UGT2A2: variants seen among roughly 807,000 people sequenced by gnomAD.
The protein encoded by UGT2A2 is UDP-glucuronosyltransferase 2A2.
In UGT2A2, 60 loss-of-function variants were observed where a neutral mutation model predicts 50.7. The observed-to-expected ratio is 1.18, with a 90% CI of 0.96 to 1.47. The LOEUF is 1.47. UGT2A2 is among the 40% of genes most tolerant of loss of function. UGT2A2 has a pLI of 0.00. For synonymous variants in UGT2A2, 242 were observed against 214.6 expected (o/e 1.13, Z -1.11); for missense variants, 762 against 634.0 (o/e 1.20, Z -2.17).
intron 1 of UGT2A2, among the ~76,000 whole-genome samples, chr4:69,620,102 C>T (rs1720655246): frequency 6.6e-6 from 1 of 152,000 alleles, no homozygotes; most frequent in Non-Finnish European, 1.5e-5. Context: ...CTCACTACTC[C>T]TATTCAACAT....
intron 1 of UGT2A2, among the ~76,000 whole-genome samples, chr4:69,606,159 A>G (rs111230626): frequency 7.3e-6 from 1 of 136,632 alleles, no homozygotes; most frequent in Non-Finnish European, 1.6e-5. Flanking sequence ...ATGAACATCG[A>G]GGCAAAAATC....
At position 69,607,872 on chromosome 4, in the gene UGT2A2, A is replaced by G. The variant is rs533364512; in HGVS notation, c.743-8478T>C. Among the ~76,000 whole-genome samples the G allele has an allele frequency of 2.0e-5, 3 of 152,346 alleles. No homozygotes were observed. The East Asian group carries it at 5.8e-4, about 29-fold the overall frequency. Reference sequence around the variant, plus strand: ...ATGCAAAACAAAACCACAATGAGATACCATCTCACACCAGTTAGAATGGCG... The same window carrying G: ...ATGCAAAACAAAACCACAATGAGATGCCATCTCACACCAGTTAGAATGGCG... On this transcript the variant is annotated intron_variant, in intron 1 of 5. Coordinates refer to ENST00000604629, the MANE Select transcript of UGT2A2 (RefSeq NM_001105677.2).
chr4:69,612,380 C>T (rs1443683966), intron 1 of UGT2A2, among the ~76,000 whole-genome samples: 1 of 151,886 alleles, frequency 6.6e-6, no homozygotes, highest in African/African-American at 2.4e-5. Flanking sequence ...AAAATCATCA[C>T]ATAATTAGAT....
At chr4:69,599,422 AG>A in intron 1 of UGT2A2, 28 bp from the exon 2 acceptor site, 1 of 1,609,028 alleles carries the variant, frequency 6.2e-7, no homozygotes, top group African/African-American at 1.3e-5. Context: ...AGTTGGATGG[AG>A]GAAATTAGCT....
Position 69,614,836 on chromosome 4 carries a change from T to C in UGT2A2, c.743-15442A>G, listed in dbSNP as rs150533268. On this transcript the variant is annotated intron_variant, in intron 1 of 5. Coordinates refer to ENST00000604629, the MANE Select transcript of UGT2A2 (RefSeq NM_001105677.2). The stretch of plus-strand genomic sequence containing the variant: ...TAAAGAACTATCTGACACTGTAGTT[T>C]ATAAAGAAAAGAGGTTTAATTGACC... Among the ~76,000 whole-genome samples the C allele has an allele frequency of 5.1e-3, 778 of 152,092 alleles. 9 individuals carry two copies. Among genetic ancestry groups the C allele is most frequent in the African/African-American group, 0.017 (711 of 41,498 alleles).
chr4:69,621,603 A>G (rs936176758), intron 1 of UGT2A2, among the ~76,000 whole-genome samples: 2 of 151,784 alleles, frequency 1.3e-5, no homozygotes, highest in Non-Finnish European at 2.9e-5. Context: ...TGATTCCTCA[A>G]AGCCTTAAAA....
intron 1 of UGT2A2, among the ~76,000 whole-genome samples, chr4:69,624,510 T>C (rs1176547141): frequency 1.3e-5 from 2 of 151,556 alleles, no homozygotes; most frequent in East Asian, 1.9e-4. Flanking sequence ...GCTACTTTTT[T>C]TAAGTTACCT....
At chr4:69,599,723 T>C (rs4148297) in intron 1 of UGT2A2, 111,219 of 178,010 alleles carry the variant, frequency 0.62, 35,443 homozygotes, top group East Asian at 0.72. Context: ...GAGAGAGAGA[T>C]GGAGAAAAGG....
In UGT2A2 at chr4:69,596,362, T is replaced by A. The variant is rs751031430; in HGVS notation, c.911A>T (p.Gln304Leu). 1 of 1,599,488 alleles carries A rather than the reference T, an allele frequency of 6.3e-7. No individual in the cohort carries two copies. Among genetic ancestry groups the A allele is most frequent in the Non-Finnish European group, 8.5e-7 (1 of 1,172,584 alleles). The change falls in exon 3 of 6, where the codon CAG becomes CTG. Residue 304 changes from glutamine (Q) to leucine (L), a missense_variant. By Grantham distance (113) the Gln-to-Leu change is moderately radical. Transcript: ENST00000604629. ...CACAACACCATTTTTACCTGAGCTC[T>A]GGATAAATTCTTCCATTTCCTGCAT... ...PLPKEMEEFI[Q>L]SSGKNGVVVF...
chr4:69,604,909 A>G (rs111849594), intron 1 of UGT2A2, among the ~76,000 whole-genome samples: 1 of 136,840 alleles, frequency 7.3e-6, no homozygotes, highest in Non-Finnish European at 1.6e-5. Flanking sequence ...AGGAGCACCC[A>G]GATTCATAAA....
chr4:69,627,084 T>C (rs1297915006), intron 1 of UGT2A2, among the ~76,000 whole-genome samples: 2 of 151,946 alleles, frequency 1.3e-5, no homozygotes, highest in Non-Finnish European at 1.5e-5. Context: ...TGGAGTTTCA[T>C]GTGTTTTCAA....
chr4:69,596,361 C>T lies in UGT2A2; in HGVS notation c.912G>A (p.Gln304=). Residue 304 remains glutamine, a synonymous_variant, in exon 3 of 6, where the codon CAG becomes CAA. Coordinates refer to ENST00000604629, the MANE Select transcript of UGT2A2 (RefSeq NM_001105677.2). ...PLPKEMEEFI[Q]SSGKNGVVVF... The stretch of plus-strand genomic sequence containing the variant: ...CCACAACACCATTTTTACCTGAGCT[C>T]TGGATAAATTCTTCCATTTCCTGCA... The T allele has an allele frequency of 1.9e-6, 3 of 1,600,336 alleles. No homozygotes were observed. The East Asian group carries it at 6.8e-5, about 36-fold the overall frequency.
At chr4:69,612,491 G>A (rs914242813) in intron 1 of UGT2A2, among the ~76,000 whole-genome samples, 1 of 151,822 alleles carries the variant, frequency 6.6e-6, no homozygotes, top group Non-Finnish European at 1.5e-5. Context: ...CAAACTATAA[G>A]ACTACAGTAA....
At chr4:69,601,839 C>T (rs1231414284) in intron 1 of UGT2A2, among the ~76,000 whole-genome samples, 6 of 136,036 alleles carry the variant, frequency 4.4e-5, no homozygotes, top group Non-Finnish European at 6.2e-5. Context: ...ACTGGGTGGC[C>T]AGGTCTAGAG....
chr4:69,594,764 AGGGGTC>A, intron 4 of UGT2A2, 68 bp from the exon 5 acceptor site: 2 of 1,524,430 alleles, frequency 1.3e-6, no homozygotes, highest in Admixed American at 2.0e-5. Flanking sequence ...GAGAGACAGA[AGGGGTC>A]AAAAAGCTGT....
intron 1 of UGT2A2, among the ~76,000 whole-genome samples, chr4:69,602,415 G>T (rs750884414): frequency 4.5e-5 from 6 of 134,334 alleles, no homozygotes; most frequent in Non-Finnish European, 9.5e-5. Context: ...ATACTTTACT[G>T]CAGTTAAACA....
chr4:69,605,985 A>T (rs1314011349), intron 1 of UGT2A2, among the ~76,000 whole-genome samples: 1 of 136,918 alleles, frequency 7.3e-6, no homozygotes, highest in Non-Finnish European at 1.6e-5. Flanking sequence ...GCTGAATTCT[A>T]CCAGAAGTAC....
chr4:69,615,842 G>C (rs1720347694), intron 1 of UGT2A2, among the ~76,000 whole-genome samples: 1 of 150,842 alleles, frequency 6.6e-6, no homozygotes, highest in Non-Finnish European at 1.5e-5. Flanking sequence ...CTATGGAGAA[G>C]AGTGTGGATA....
chr4:69,615,615 T>G (rs1366808578), intron 1 of UGT2A2, among the ~76,000 whole-genome samples: 1 of 151,810 alleles, frequency 6.6e-6, no homozygotes, highest in Non-Finnish European at 1.5e-5. Flanking sequence ...GAAGAAATGG[T>G]CAACATCACT....
Sources: allele counts gnomAD v4.1 joint callset (sites outside exome capture counted in the v4.1 genomes callset), GRCh38; gene constraint gnomAD v4.1.1; transcripts MANE v1.5; gene names NCBI Gene and HGNC (gene_info 2026-07-23, HGNC 2026-07-21).